The following DPP10 variants were observed in gnomAD, a reference collection of about 807,000 sequenced individuals.
DPP10 encodes dipeptidyl peptidase like 10.
DPP10 carries 33 observed loss-of-function variants against 120.9 expected under a neutral mutation model. The observed-to-expected ratio is 0.27, with a 90% CI of 0.21 to 0.37. The LOEUF is 0.37. Among genes scored for constraint, DPP10 ranks in the 10% least tolerant of loss-of-function variants. The pLI is 1.00. For missense variants in DPP10, 816 were observed against 942.8 expected, an observed-to-expected ratio of 0.87 and a Z score of 1.76; for synonymous variants, 337 against 326.1, an observed-to-expected ratio of 1.03 and a Z score of -0.36.
intron 1 of DPP10, among the ~76,000 whole-genome samples, chr2:115,207,551 T>C (rs1391715031): frequency 6.7e-6 from 1 of 150,228 alleles, no homozygotes; most frequent in Non-Finnish European, 1.5e-5. Flanking sequence ...GAGCAATACA[T>C]AGTAGAAGTT....
intron 1 of DPP10, among the ~76,000 whole-genome samples, chr2:114,948,080 A>C (rs182985926): frequency 5.1e-4 from 78 of 151,836 alleles, no homozygotes; most frequent in African/African-American, 1.8e-3. Context: ...TGACATTTCT[A>C]TATATATATT....
chr2:115,717,572 A>G (rs1367577511), intron 7 of DPP10, among the ~76,000 whole-genome samples: 1 of 152,026 alleles, frequency 6.6e-6, no homozygotes, highest in Non-Finnish European at 1.5e-5. Flanking sequence ...GAGTGCTTAG[A>G]AGCAACCAAC....
chr2:114,619,808 G>T (rs918526465), intron 1 of DPP10, among the ~76,000 whole-genome samples: 4 of 151,834 alleles, frequency 2.6e-5, no homozygotes, highest in Non-Finnish European at 4.4e-5. Flanking sequence ...CAGATTAAAG[G>T]ATCTGGGTGG....
chr2:115,316,607 G>A (rs2061805573), intron 2 of DPP10, among the ~76,000 whole-genome samples: 1 of 152,048 alleles, frequency 6.6e-6, no homozygotes, highest in Non-Finnish European at 1.5e-5. Flanking sequence ...TAATTTTTCA[G>A]AACTTCAAAT....
chr2:114,885,338 G>T (rs1003841244), intron 1 of DPP10, among the ~76,000 whole-genome samples: 2 of 152,066 alleles, frequency 1.3e-5, no homozygotes, highest in African/African-American at 4.8e-5. Context: ...GGACAGCGCC[G>T]AGGGGATAAT....
intron 1 of DPP10, among the ~76,000 whole-genome samples, chr2:115,135,205 T>C (rs551311049): frequency 1.3e-5 from 2 of 150,030 alleles, no homozygotes; most frequent in Non-Finnish European, 3.0e-5. Context: ...TTTAGGGTTG[T>C]ACTTCTTTAT....
At chr2:115,072,834 G>C (rs986782880) in intron 1 of DPP10, among the ~76,000 whole-genome samples, 1 of 152,058 alleles carries the variant, frequency 6.6e-6, no homozygotes, top group Non-Finnish European at 1.5e-5. Context: ...CCAGGCTGGA[G>C]TGCAGTGGTG....
intron 1 of DPP10, among the ~76,000 whole-genome samples, chr2:114,858,598 A>G (rs75745725): frequency 0.021 from 3,230 of 152,246 alleles, 124 homozygotes; most frequent in African/African-American, 0.074. Flanking sequence ...TTTATCCTTT[A>G]CTTAACAGCG....
At chr2:115,178,450 T>C (rs1456425993) in intron 1 of DPP10, among the ~76,000 whole-genome samples, 1 of 152,228 alleles carries the variant, frequency 6.6e-6, no homozygotes, top group Non-Finnish European at 1.5e-5. Context: ...AGTGTTCTAA[T>C]GAGCATTATT....
chr2:115,286,533 A>ATATATATATATATATATATATT (rs2060407095), intron 1 of DPP10, among the ~76,000 whole-genome samples: 1 of 117,108 alleles, frequency 8.5e-6, no homozygotes, highest in Non-Finnish European at 1.8e-5. Flanking sequence ...TATAATATAT[A>ATATATATATATATATATATATT]TATATATAAA....
chr2:115,752,089 C>T (rs546852939), intron 10 of DPP10, among the ~76,000 whole-genome samples: 1 of 152,152 alleles, frequency 6.6e-6, no homozygotes. Flanking sequence ...TAAGTCACTG[C>T]ACCTGGCCAA....
intron 1 of DPP10, among the ~76,000 whole-genome samples, chr2:114,954,607 T>A (rs1485738529): frequency 6.6e-6 from 1 of 151,460 alleles, no homozygotes; most frequent in East Asian, 1.9e-4. Context: ...ATAATAAAGA[T>A]AAGAGCAGTA....
rs755230362 is a variant in DPP10, at chr2:115,162,200, A to G, written c.61-147039A>G. 13 of 1,553,362 alleles carry G rather than the reference A, an allele frequency of 8.4e-6. No individual in the cohort carries two copies. The South Asian group carries it at 1.5e-4, about 18-fold the overall frequency. On this transcript the variant is annotated intron_variant, in intron 1 of 25. Transcript: ENST00000410059. ...CTCCACGGACTCTGCGGGAAGTTAG[A>G]GCCTCTGCGTGCGCTCCGGGGCCCG...
intron 5 of DPP10, among the ~76,000 whole-genome samples, chr2:115,624,725 T>C (rs1434828618): frequency 2.0e-5 from 3 of 152,194 alleles, no homozygotes; most frequent in African/African-American, 7.2e-5. Context: ...CCTATAACAT[T>C]GGTCTAAGGA....
intron 1 of DPP10, among the ~76,000 whole-genome samples, chr2:114,747,397 T>C (rs1678677576): frequency 6.6e-6 from 1 of 152,252 alleles, no homozygotes; most frequent in African/African-American, 2.4e-5. Context: ...ACAAATACTA[T>C]ACTTTTGAAT....
At chr2:114,816,506 A>G (rs1247820892) in intron 1 of DPP10, among the ~76,000 whole-genome samples, 1 of 152,154 alleles carries the variant, frequency 6.6e-6, no homozygotes, top group East Asian at 1.9e-4. Flanking sequence ...TCTCAGATCA[A>G]TTAGGATCTA....
In DPP10 at chr2:115,161,875, G is replaced by A. The variant is rs1295830267; in HGVS notation, c.61-147364G>A. The A allele has an allele frequency of 2.1e-5, 25 of 1,194,284 alleles. No individual in the cohort carries two copies. The South Asian group carries it at 3.8e-4, about 18-fold the overall frequency. 74.0% of individuals were successfully genotyped at this position (1,194,284 alleles called of 1,614,324 possible). Reference sequence around the variant, plus strand: ...CCGATTCCGGGAGCGACGGGCGCCCGTGACCTGCGAACGCTGCCAAGTGAC... The same window carrying A: ...CCGATTCCGGGAGCGACGGGCGCCCATGACCTGCGAACGCTGCCAAGTGAC... On this transcript the variant is annotated intron_variant, in intron 1 of 25. Coordinates refer to ENST00000410059, the MANE Select transcript of DPP10 (RefSeq NM_020868.6).
intron 17 of DPP10, among the ~76,000 whole-genome samples, chr2:115,789,150 T>C (rs1264958407): frequency 2.6e-5 from 4 of 151,582 alleles, no homozygotes; most frequent in Non-Finnish European, 4.4e-5. Context: ...ATAAGGCGAG[T>C]ATTGACCAGA....
chr2:115,094,484 A>G (rs1469527642), intron 1 of DPP10, among the ~76,000 whole-genome samples: 1 of 152,178 alleles, frequency 6.6e-6, no homozygotes, highest in Admixed American at 6.5e-5. Context: ...CACATGGTAA[A>G]CTACTTCCTT....
Sources: allele counts gnomAD v4.1 joint callset (sites outside exome capture counted in the v4.1 genomes callset), GRCh38; gene constraint gnomAD v4.1.1; transcripts MANE v1.5; gene names NCBI Gene and HGNC (gene_info 2026-07-23, HGNC 2026-07-21).